Variants in SCFD2 observed in about 807,000 individuals in gnomAD.
The protein encoded by SCFD2 is sec1 family domain containing 2.
A neutral mutation model predicts 58.9 loss-of-function variants in SCFD2; 54 were observed. The ratio of observed to expected loss-of-function variants is 0.92; its 90% CI spans 0.74 to 1.15. The LOEUF (loss-of-function observed/expected upper bound fraction) is 1.15. Ranked by LOEUF, SCFD2 falls within the 50% of genes most tolerant of loss-of-function variation. SCFD2 has a pLI of 0.00. For missense variants in SCFD2, 805 were observed against 836.6 expected (o/e 0.96, Z 0.47); for synonymous variants, 321 against 335.9 (o/e 0.96, Z 0.49).
At chr4:52,948,662 T>C (rs924529009) in intron 5 of SCFD2, 1 of 408,472 alleles carries the variant, frequency 2.4e-6, no homozygotes, top group Non-Finnish European at 5.0e-6. Flanking sequence ...CCTACTTATA[T>C]ATATGATTTG....
chr4:53,151,662 A>C (rs1385704257), intron 4 of SCFD2, among the ~76,000 whole-genome samples: 1 of 152,172 alleles, frequency 6.6e-6, no homozygotes, highest in Non-Finnish European at 1.5e-5. Flanking sequence ...GTAAAACTCC[A>C]CATCATGCTA....
chr4:53,216,699 T>C (rs1728851224), intron 4 of SCFD2, among the ~76,000 whole-genome samples: 1 of 152,190 alleles, frequency 6.6e-6, no homozygotes. Flanking sequence ...CTTTTGAATG[T>C]GTTTGCTCTT....
chr4:53,187,289 T>C (rs576067182), intron 4 of SCFD2, among the ~76,000 whole-genome samples: 2 of 152,234 alleles, frequency 1.3e-5, no homozygotes, highest in African/African-American at 4.8e-5. Flanking sequence ...TGTGAAGCAA[T>C]GGACAGCATA....
At chr4:53,116,167 T>C (rs1725312678) in intron 5 of SCFD2, among the ~76,000 whole-genome samples, 1 of 152,234 alleles carries the variant, frequency 6.6e-6, no homozygotes, top group African/African-American at 2.4e-5. Flanking sequence ...TTCATTTGTA[T>C]ATGAACATAG....
At chr4:53,080,487 C>T (rs116489558) in intron 5 of SCFD2, among the ~76,000 whole-genome samples, 2,393 of 152,148 alleles carry the variant, frequency 0.016, 58 homozygotes, top group African/African-American at 0.053. Flanking sequence ...GTGAAAATAA[C>T]GTATATAGAA....
intron 2 of SCFD2, among the ~76,000 whole-genome samples, chr4:53,316,600 G>A (rs1732871453): frequency 1.3e-5 from 2 of 152,116 alleles, no homozygotes; most frequent in Admixed American, 1.3e-4. Flanking sequence ...ACTATGTTCA[G>A]GAGTTTGTGA....
intron 2 of SCFD2, among the ~76,000 whole-genome samples, chr4:53,337,476 G>T (rs1733720492): frequency 6.6e-6 from 1 of 152,090 alleles, no homozygotes; most frequent in Non-Finnish European, 1.5e-5. Context: ...ATCAAATGTT[G>T]GCAAGAATGA....
chr4:53,200,084 C>G (rs575709444), intron 4 of SCFD2, among the ~76,000 whole-genome samples: 4 of 152,084 alleles, frequency 2.6e-5, no homozygotes, highest in Admixed American at 1.3e-4. Context: ...GTCCCAAAGG[C>G]CTCATCTCTA....
intron 5 of SCFD2, among the ~76,000 whole-genome samples, chr4:52,923,731 A>T (rs912651740): frequency 2.0e-5 from 3 of 152,166 alleles, no homozygotes; most frequent in African/African-American, 7.2e-5. Context: ...TGATTCTAAA[A>T]GAGTTCATAA....
intron 7 of SCFD2, among the ~76,000 whole-genome samples, 198 bp from the exon 8 acceptor site, chr4:52,886,064 G>A (rs1001733610): frequency 8.5e-5 from 13 of 152,110 alleles, no homozygotes; most frequent in Non-Finnish European, 5.9e-5. Context: ...TACAAGTCCC[G>A]GGTAAATCCA....
intron 5 of SCFD2, among the ~76,000 whole-genome samples, chr4:52,974,270 C>G (rs1255157327): frequency 6.6e-6 from 1 of 152,028 alleles, no homozygotes; most frequent in Non-Finnish European, 1.5e-5. Flanking sequence ...TCTAGAAAAC[C>G]CCATCGTCTC....
chr4:52,962,105 T>C (rs1350509114), intron 5 of SCFD2, among the ~76,000 whole-genome samples: 3 of 152,316 alleles, frequency 2.0e-5, no homozygotes, highest in Non-Finnish European at 4.4e-5. Flanking sequence ...CTAAGACTTT[T>C]GAAGGAATGT....
intron 5 of SCFD2, among the ~76,000 whole-genome samples, chr4:52,991,100 G>C (rs1721603208): frequency 6.6e-6 from 1 of 152,190 alleles, no homozygotes; most frequent in South Asian, 2.1e-4. Flanking sequence ...AGGCAGAAAG[G>C]GGGCTGAGTA....
intron 5 of SCFD2, among the ~76,000 whole-genome samples, chr4:53,060,598 T>G (rs1723481830): frequency 6.6e-6 from 1 of 152,190 alleles, no homozygotes. Flanking sequence ...TTTGGTGTGA[T>G]ATCTCAACAT....
intron 5 of SCFD2, among the ~76,000 whole-genome samples, chr4:53,113,950 T>C (rs1725247967): frequency 6.6e-6 from 1 of 152,132 alleles, no homozygotes; most frequent in African/African-American, 2.4e-5. Flanking sequence ...TTTAGTATAA[T>C]TATTACATAA....
intron 5 of SCFD2, among the ~76,000 whole-genome samples, chr4:53,140,179 G>C (rs370120118): frequency 1.1e-4 from 16 of 149,544 alleles, no homozygotes; most frequent in African/African-American, 4.0e-4. Flanking sequence ...CCCCCTCTCC[G>C]AGAAACACCC....
chr4:52,939,252 T>C (rs1463257350), intron 5 of SCFD2, among the ~76,000 whole-genome samples: 1 of 152,170 alleles, frequency 6.6e-6, no homozygotes, highest in Non-Finnish European at 1.5e-5. Flanking sequence ...AAACATTAAT[T>C]GGCCATTATG....
At chr4:53,147,264 C>T (rs973942064) in intron 4 of SCFD2, among the ~76,000 whole-genome samples, 1 of 152,210 alleles carries the variant, frequency 6.6e-6, no homozygotes, top group African/African-American at 2.4e-5. Context: ...CCAATAGAAA[C>T]TCTTCCTCTT....
intron 5 of SCFD2, among the ~76,000 whole-genome samples, chr4:52,986,467 T>C (rs1327335877): frequency 1.3e-5 from 2 of 150,122 alleles, no homozygotes; most frequent in Non-Finnish European, 3.0e-5. Flanking sequence ...ACTACCTTCA[T>C]CTCAAGCTTA....
Sources: allele counts gnomAD v4.1 joint callset (sites outside exome capture counted in the v4.1 genomes callset), GRCh38; gene constraint gnomAD v4.1.1; transcripts MANE v1.5; gene names NCBI Gene and HGNC (gene_info 2026-07-23, HGNC 2026-07-21).